ZFHX3: variants seen among roughly 807,000 people sequenced by gnomAD.
The protein encoded by ZFHX3 is zinc finger homeobox protein 3.
ZFHX3 carries 42 observed loss-of-function variants against 279.1 expected under a neutral mutation model. The ratio of observed to expected loss-of-function variants is 0.15; its 90% CI spans 0.12 to 0.19. The LOEUF is 0.19. ZFHX3 is among the 10% of genes least tolerant of loss of function. The pLI, the probability that ZFHX3 is intolerant of heterozygous loss-of-function variation, is 1.00. For missense variants in ZFHX3, 4,981 were observed against 4,754.0 expected (o/e 1.05, Z -1.40); for synonymous variants, 2,293 against 1,957.8 (o/e 1.17, Z -4.52).
intron 3 of ZFHX3, among the ~76,000 whole-genome samples, chr16:72,898,166 C>G (rs895407490): frequency 3.3e-5 from 5 of 152,166 alleles, no homozygotes; most frequent in African/African-American, 1.2e-4. Flanking sequence ...GGCTTTTTAT[C>G]TGCTCAAGCT....
chr16:73,784,786 TAAAAAAA>T (rs66537411), intron 1 of ZFHX3, among the ~76,000 whole-genome samples: 2 of 133,816 alleles, frequency 1.5e-5, no homozygotes, highest in African/African-American at 5.9e-5. Flanking sequence ...TTTAACAAAA[TAAAAAAA>T]AAAATATATA....
At chr16:72,908,324 G>T (rs907591673) in intron 3 of ZFHX3, among the ~76,000 whole-genome samples, 1 of 152,166 alleles carries the variant, frequency 6.6e-6, no homozygotes, top group Non-Finnish European at 1.5e-5. Context: ...GAGGAATAGG[G>T]CCACCTACCT....
At chr16:73,308,591 G>C (rs1034588989) in intron 4 of ZFHX3, among the ~76,000 whole-genome samples, 3 of 152,050 alleles carry the variant, frequency 2.0e-5, no homozygotes, top group Non-Finnish European at 4.4e-5. Context: ...ACAGGTGTGA[G>C]CCACCACGCC....
chr16:73,665,420 G>A (rs1317519947), intron 2 of ZFHX3, among the ~76,000 whole-genome samples: 1 of 151,302 alleles, frequency 6.6e-6, no homozygotes, highest in South Asian at 2.1e-4. Context: ...CACCATGTTG[G>A]CCAGGCTGGC....
chr16:73,870,893 C>T (rs1597151781), intron 1 of ZFHX3, among the ~76,000 whole-genome samples: 2 of 152,074 alleles, frequency 1.3e-5, no homozygotes, highest in Admixed American at 1.3e-4. Flanking sequence ...TTTAGATCAC[C>T]ATAAAACCAA....
chr16:73,388,683 T>C (rs1316692685), intron 3 of ZFHX3: 2 of 152,224 alleles, frequency 1.3e-5, no homozygotes, highest in Non-Finnish European at 2.9e-5. Flanking sequence ...ATGTTCCTGG[T>C]TGCATCAGAC....
intron 1 of ZFHX3, among the ~76,000 whole-genome samples, chr16:73,836,803 G>C (rs1002719953): frequency 6.6e-6 from 1 of 152,188 alleles, no homozygotes. Flanking sequence ...TGATTAGTTC[G>C]TTAAGCTAGA....
intron 5 of ZFHX3, among the ~76,000 whole-genome samples, chr16:72,814,926 T>C (rs534629545): frequency 1.3e-5 from 2 of 152,138 alleles, no homozygotes; most frequent in East Asian, 1.9e-4. Context: ...GCCATCCTTA[T>C]AACAGATTCT....
intron 1 of ZFHX3, among the ~76,000 whole-genome samples, chr16:73,005,239 T>C (rs989410372): frequency 6.6e-6 from 1 of 152,224 alleles, no homozygotes; most frequent in Admixed American, 6.5e-5. Flanking sequence ...TCACGTCTTA[T>C]AATGCCAGCA....
chr16:72,969,337 A>C (rs780566115), intron 1 of ZFHX3, among the ~76,000 whole-genome samples: 15 of 152,136 alleles, frequency 9.9e-5, no homozygotes, highest in Non-Finnish European at 1.8e-4. Flanking sequence ...GAGAAGACAA[A>C]TAAATGGCCA....
At chr16:73,743,498 C>A (rs2053677080) in intron 1 of ZFHX3, among the ~76,000 whole-genome samples, 3 of 152,182 alleles carry the variant, frequency 2.0e-5, no homozygotes, top group African/African-American at 7.2e-5. Context: ...AAGGCTCTAA[C>A]AATATATGCT....
intron 1 of ZFHX3, among the ~76,000 whole-genome samples, chr16:73,694,809 A>C (rs1281800416): frequency 6.6e-6 from 1 of 152,146 alleles, no homozygotes; most frequent in East Asian, 1.9e-4. Context: ...CTCCTTTTTC[A>C]TTATGGTAAC....
intron 4 of ZFHX3, among the ~76,000 whole-genome samples, chr16:73,295,622 G>A (rs1451103944): frequency 2.0e-5 from 3 of 152,208 alleles, no homozygotes; most frequent in Admixed American, 1.3e-4. Context: ...ATGTCAGCAA[G>A]TCCATTTGAT....
At position 73,435,238 on chromosome 16, in the gene ZFHX3, C is replaced by T. The variant is rs562886401; in HGVS notation, c.-1291+20765G>A. Among the ~76,000 whole-genome samples, 49 of 152,204 alleles carry T rather than the reference C, an allele frequency of 3.2e-4. No homozygotes were observed. In the South Asian group the frequency reaches 9.3e-3, roughly 29 times the overall value. ...TTCATTCTTTTTTGAGACAGAGTTT[C>T]GCTCTTGTCACCTAAGCTGGAGTGC... On this transcript the variant is annotated intron_variant, in intron 3 of 17. Transcript: ENST00000641206.
chr16:73,128,670 G>T (rs1431950836), intron 7 of ZFHX3, among the ~76,000 whole-genome samples: 1 of 152,138 alleles, frequency 6.6e-6, no homozygotes, highest in African/African-American at 2.4e-5. Context: ...CATTTCTTTT[G>T]ATCTTTTACC....
At chr16:73,317,556 T>A (rs2015479735) in intron 4 of ZFHX3, among the ~76,000 whole-genome samples, 1 of 152,066 alleles carries the variant, frequency 6.6e-6, no homozygotes, top group African/African-American at 2.4e-5. Context: ...GCCATTACAC[T>A]CAGAAGAAAT....
chr16:73,498,271 A>T (rs2019175393), intron 2 of ZFHX3, among the ~76,000 whole-genome samples: 1 of 152,206 alleles, frequency 6.6e-6, no homozygotes, highest in Non-Finnish European at 1.5e-5. Context: ...ACATGGATAG[A>T]GGTTAGAATG....
At chr16:73,153,377 C>A (rs556650930) in intron 5 of ZFHX3, among the ~76,000 whole-genome samples, 31 of 152,136 alleles carry the variant, frequency 2.0e-4, no homozygotes, top group African/African-American at 6.3e-4. Flanking sequence ...CTCCTGCCTC[C>A]GTCTCCCAAA....
intron 2 of ZFHX3, among the ~76,000 whole-genome samples, chr16:73,655,816 G>A (rs1243141779): frequency 4.6e-5 from 7 of 152,166 alleles, no homozygotes; most frequent in Admixed American, 4.6e-4. Context: ...TAATAGTCAT[G>A]CTGAAGATGT....
Sources: allele counts gnomAD v4.1 joint callset (sites outside exome capture counted in the v4.1 genomes callset), GRCh38; gene constraint gnomAD v4.1.1; transcripts MANE v1.5; gene names NCBI Gene and HGNC (gene_info 2026-07-23, HGNC 2026-07-21).